The following ACAD11 variants were observed in gnomAD, a reference collection of about 807,000 sequenced individuals.
ACAD11 encodes the protein acyl-CoA dehydrogenase family member 11, also known as acyl-Coenzyme A dehydrogenase family, member 11.
A neutral mutation model predicts 102.2 loss-of-function variants in ACAD11; 83 were observed. The observed-to-expected ratio is 0.81, with a 90% CI of 0.68 to 0.97. The LOEUF is 0.97. ACAD11 is among the 50% of genes least tolerant of loss of function. The probability of loss-of-function intolerance (pLI) is 0.00; values close to 1 mark genes in which losing one functional copy is unlikely to be tolerated. For synonymous variants in ACAD11, 324 were observed against 319.8 expected, an observed-to-expected ratio of 1.01 and a Z score of -0.14; for missense variants, 901 against 951.7, an observed-to-expected ratio of 0.95 and a Z score of 0.70.
At chr3:132,617,634 T>G (rs1939458741) in intron 11 of ACAD11, among the ~76,000 whole-genome samples, 1 of 152,160 alleles carries the variant, frequency 6.6e-6, no homozygotes, top group African/African-American at 2.4e-5. Flanking sequence ...CCTACTTTGG[T>G]CAATTCTCAA....
chr3:132,630,353 A>T, intron 7 of ACAD11, 84 bp downstream of exon 7: 1 of 1,380,224 alleles, frequency 7.2e-7, no homozygotes, highest in Non-Finnish European at 9.6e-7. Flanking sequence ...AGGATAAAGA[A>T]TATAAAACCC....
At chr3:132,606,842 C>T (rs1371508429) in intron 11 of ACAD11, among the ~76,000 whole-genome samples, 1 of 152,226 alleles carries the variant, frequency 6.6e-6, no homozygotes, top group Non-Finnish European at 1.5e-5. Flanking sequence ...CAGGGAGACA[C>T]CTCCCAACAG....
At chr3:132,566,566 C>A (rs935119140) in intron 17 of ACAD11, among the ~76,000 whole-genome samples, 4 of 152,060 alleles carry the variant, frequency 2.6e-5, no homozygotes, top group African/African-American at 9.7e-5. Flanking sequence ...ATAAAAAAAT[C>A]TTGAAAGCAC....
chr3:132,610,447 A>G (rs1439401214), intron 11 of ACAD11, among the ~76,000 whole-genome samples: 1 of 152,202 alleles, frequency 6.6e-6, no homozygotes, highest in Non-Finnish European at 1.5e-5. Flanking sequence ...GGTTTTTTGA[A>G]AAGATCAACA....
chr3:132,575,091 C>T (rs1228165790), intron 17 of ACAD11, among the ~76,000 whole-genome samples: 1 of 152,126 alleles, frequency 6.6e-6, no homozygotes, highest in Non-Finnish European at 1.5e-5. Context: ...AGGCAACCCA[C>T]CCGCCTCGGT....
At chr3:132,614,828 A>T (rs1428569977) in intron 11 of ACAD11, among the ~76,000 whole-genome samples, 1 of 152,186 alleles carries the variant, frequency 6.6e-6, no homozygotes, top group Admixed American at 6.5e-5. Flanking sequence ...GACAAATAGG[A>T]TCTAATTAAA....
At position 132,659,704 on chromosome 3, in the gene ACAD11, G is replaced by A. The variant is rs766635597; in HGVS notation, c.48C>T (p.Pro16=). Residue 16 remains proline, a synonymous_variant, in exon 1 of 20, where the codon CCC becomes CCT. Transcript: ENST00000264990. The part of the protein sequence containing the change: ...TGESDLAEVL[P]QHKFDSKSLE... Reference sequence around the variant, plus strand: ...GGGACTTGCTGTCGAACTTGTGCTGGGGCAGCACTTCGGCCAAATCGGACT... The same window carrying A: ...GGGACTTGCTGTCGAACTTGTGCTGAGGCAGCACTTCGGCCAAATCGGACT... 1.1e-5 allele frequency: 18 copies of A among 1,610,472 alleles called. No homozygotes were observed. Among genetic ancestry groups the A allele is most frequent in the Non-Finnish European group, 1.4e-5 (17 of 1,178,014 alleles).
Position 132,567,619 on chromosome 3 carries a change from A to G in ACAD11, c.2002-6402T>C, listed in dbSNP as rs534251757. On this transcript the variant is annotated intron_variant, in intron 17 of 19. Transcript: ENST00000264990. ...TAAAATATCCGATTTAAGCCCTAAC[A>G]TATCAGTTATTATAAAGACAAAGAT... is the stretch of plus-strand genomic sequence containing the variant. Among the ~76,000 whole-genome samples the G allele has an allele frequency of 3.9e-5, 6 of 152,362 alleles. No homozygotes were observed. The South Asian group carries it at 6.2e-4, about 16-fold the overall frequency.
intron 13 of ACAD11, among the ~76,000 whole-genome samples, chr3:132,584,217 G>A (rs1269667066): frequency 6.6e-6 from 1 of 152,068 alleles, no homozygotes; most frequent in Non-Finnish European, 1.5e-5. Flanking sequence ...GGTCTCTAAG[G>A]TCTTGCTTTA....
chr3:132,562,143 C>T (rs542745622), intron 17 of ACAD11, among the ~76,000 whole-genome samples: 2 of 152,158 alleles, frequency 1.3e-5, no homozygotes, highest in East Asian at 1.9e-4. Flanking sequence ...CTGGCTCTGT[C>T]GCCCAGGCTG....
intron 11 of ACAD11, among the ~76,000 whole-genome samples, chr3:132,613,882 C>G (rs890698486): frequency 9.9e-5 from 15 of 151,882 alleles, no homozygotes; most frequent in African/African-American, 3.4e-4. Context: ...TTGGGCGAGA[C>G]GAGTGAGACT....
chr3:132,591,783 C>T (rs1398327652), intron 13 of ACAD11, among the ~76,000 whole-genome samples: 2 of 152,090 alleles, frequency 1.3e-5, no homozygotes, highest in East Asian at 2.0e-4. Flanking sequence ...CCCAGCTACT[C>T]GGGATGTTGA....
chr3:132,625,934 A>T (rs760432444), intron 9 of ACAD11, among the ~76,000 whole-genome samples: 1 of 152,200 alleles, frequency 6.6e-6, no homozygotes, highest in Non-Finnish European at 1.5e-5. Context: ...TGTGACAGGG[A>T]TAGACTAGAA....
At chr3:132,618,027 C>A (rs1385090267) in intron 11 of ACAD11, among the ~76,000 whole-genome samples, 2 of 152,172 alleles carry the variant, frequency 1.3e-5, no homozygotes, top group Non-Finnish European at 2.9e-5. Context: ...CCCTGTACTT[C>A]AAATTTCAGA....
chr3:132,578,121 G>A (rs763005633), intron 15 of ACAD11, among the ~76,000 whole-genome samples: 28 of 152,318 alleles, frequency 1.8e-4, no homozygotes, highest in Non-Finnish European at 3.7e-4. Context: ...CACTTTGGGA[G>A]GCCGAGGAGG....
intron 13 of ACAD11, among the ~76,000 whole-genome samples, chr3:132,597,584 C>A (rs1448776607): frequency 2.0e-5 from 3 of 151,844 alleles, no homozygotes; most frequent in African/African-American, 7.3e-5. Context: ...TTTTATTATA[C>A]CACTTTTTTT....
chr3:132,632,176 C>T (rs1427051508), intron 5 of ACAD11, among the ~76,000 whole-genome samples: 2 of 151,784 alleles, frequency 1.3e-5, no homozygotes, highest in African/African-American at 4.8e-5. Context: ...CTCCGCCTCC[C>T]GGGTTCACAC....
chr3:132,612,801 T>C (rs1939214704), intron 11 of ACAD11, among the ~76,000 whole-genome samples: 1 of 152,014 alleles, frequency 6.6e-6, no homozygotes, highest in Non-Finnish European at 1.5e-5. Flanking sequence ...GTTCAACCAT[T>C]GTGGAAGTCA....
intron 13 of ACAD11, among the ~76,000 whole-genome samples, chr3:132,594,315 T>A (rs921372325): frequency 2.0e-5 from 3 of 152,184 alleles, no homozygotes; most frequent in Non-Finnish European, 4.4e-5. Context: ...AAGGGATAGA[T>A]ACTTTTGAAT....
Sources: gnomAD v4.1 joint callset for allele counts (sites outside exome capture counted in the v4.1 genomes callset) on GRCh38, gnomAD v4.1.1 for gene constraint, MANE v1.5 for transcripts, NCBI Gene and HGNC (gene_info 2026-07-23, HGNC 2026-07-21) for gene names.